Variants in CPPED1 observed in about 807,000 individuals in gnomAD.
CPPED1 encodes calcineurin like phosphoesterase domain containing 1.
In CPPED1, 28 loss-of-function variants were observed where a neutral mutation model predicts 28.0. The ratio of observed to expected loss-of-function variants is 1.00; its 90% confidence interval spans 0.74 to 1.37. The LOEUF is 1.37. CPPED1 is among the 40% of genes most tolerant of loss of function. The pLI is 0.00. For synonymous variants in CPPED1, 198 were observed against 180.2 expected, an observed-to-expected ratio of 1.10 and a Z score of -0.79; for missense variants, 504 against 416.5, an observed-to-expected ratio of 1.21 and a Z score of -1.83.
chr16:12,733,107 A>G (rs1226276681), intron 2 of CPPED1, among the ~76,000 whole-genome samples: 3 of 152,200 alleles, frequency 2.0e-5, no homozygotes, highest in African/African-American at 7.2e-5. Context: ...CTGAGGTTGA[A>G]TTAGCACTCT....
At chr16:12,688,824 A>G (rs186659774) in intron 3 of CPPED1, among the ~76,000 whole-genome samples, 178 of 152,338 alleles carry the variant, frequency 1.2e-3, no homozygotes, top group African/African-American at 4.0e-3. Flanking sequence ...AAAGACAAAT[A>G]TAACACTAAG....
intron 3 of CPPED1, 61 bp from the exon 4 acceptor site, chr16:12,665,176 T>G: frequency 6.8e-7 from 1 of 1,471,250 alleles, no homozygotes; most frequent in Non-Finnish European, 9.1e-7. Context: ...ACCTAGGGTC[T>G]CCAGCATTTT....
intron 3 of CPPED1, among the ~76,000 whole-genome samples, chr16:12,673,081 G>C (rs1010275745): frequency 6.6e-6 from 1 of 152,138 alleles, no homozygotes; most frequent in African/African-American, 2.4e-5. Flanking sequence ...ACAGGGCAGG[G>C]TGGCGTGACA....
intron 3 of CPPED1, among the ~76,000 whole-genome samples, chr16:12,678,447 C>T (rs961097210): frequency 6.6e-6 from 1 of 152,134 alleles, no homozygotes. Flanking sequence ...AATAAAACTG[C>T]TATAATTTTG....
At chr16:12,793,394 A>G (rs761676291) in intron 1 of CPPED1, among the ~76,000 whole-genome samples, 1 of 152,100 alleles carries the variant, frequency 6.6e-6, no homozygotes, top group Non-Finnish European at 1.5e-5. Context: ...CATGCTGACA[A>G]CAGACTTTGG....
At chr16:12,738,199 A>T (rs967133051) in intron 2 of CPPED1, among the ~76,000 whole-genome samples, 3 of 152,306 alleles carry the variant, frequency 2.0e-5, no homozygotes, top group African/African-American at 4.8e-5. Context: ...GTTCACAATG[A>T]TGCTTGTAAT....
intron 2 of CPPED1, chr16:12,752,899 CATT>C (rs2080339525): frequency 6.7e-6 from 1 of 148,380 alleles, no homozygotes; most frequent in South Asian, 2.1e-4. Flanking sequence ...ATATTAATAA[CATT>C]ATATAATATA....
chr16:12,718,627 T>C (rs996441429), intron 2 of CPPED1, among the ~76,000 whole-genome samples: 6 of 151,966 alleles, frequency 3.9e-5, no homozygotes, highest in Non-Finnish European at 1.5e-5. Context: ...TTCTCTTATA[T>C]GGCTGGCTGG....
At chr16:12,723,306 G>A (rs2080152092) in intron 2 of CPPED1, among the ~76,000 whole-genome samples, 1 of 152,218 alleles carries the variant, frequency 6.6e-6, no homozygotes, top group Non-Finnish European at 1.5e-5. Flanking sequence ...GGCAGGATAT[G>A]CCTGTTCTGG....
At chr16:12,667,646 G>T (rs995243298) in intron 3 of CPPED1, among the ~76,000 whole-genome samples, 2 of 152,138 alleles carry the variant, frequency 1.3e-5, no homozygotes, top group African/African-American at 4.8e-5. Context: ...GAGGAAATTA[G>T]TGAACTGAGA....
At chr16:12,696,911 G>A (rs2079993959) in intron 3 of CPPED1, among the ~76,000 whole-genome samples, 2 of 152,140 alleles carry the variant, frequency 1.3e-5, no homozygotes. Context: ...CACCTGCCAT[G>A]TTATAGGACC....
chr16:12,798,519 A>T (rs891274191), intron 1 of CPPED1, among the ~76,000 whole-genome samples: 2 of 152,238 alleles, frequency 1.3e-5, no homozygotes, highest in Non-Finnish European at 2.9e-5. Context: ...TACTGACACT[A>T]TTCTCTGCCA....
At chr16:12,730,596 A>G (rs2080192150) in intron 2 of CPPED1, among the ~76,000 whole-genome samples, 1 of 152,214 alleles carries the variant, frequency 6.6e-6, no homozygotes, top group Admixed American at 6.5e-5. Context: ...ATTAGATGGT[A>G]TACTACATGG....
intron 1 of CPPED1, among the ~76,000 whole-genome samples, chr16:12,789,277 C>T (rs538216421): frequency 6.6e-6 from 1 of 152,220 alleles, no homozygotes; most frequent in African/African-American, 2.4e-5. Context: ...AATGACAAAC[C>T]CTTATCTATG....
At chr16:12,782,969 T>A (rs1223888117) in intron 1 of CPPED1, among the ~76,000 whole-genome samples, 1 of 152,210 alleles carries the variant, frequency 6.6e-6, no homozygotes, top group African/African-American at 2.4e-5. Context: ...AAAAAGCTCC[T>A]TGGAATCAGT....
At chr16:12,710,553 A>G (rs566046465) in intron 2 of CPPED1, among the ~76,000 whole-genome samples, 1 of 152,304 alleles carries the variant, frequency 6.6e-6, no homozygotes, top group South Asian at 2.1e-4. Context: ...AAAAAAGTGC[A>G]AACCACAGAA....
At chr16:12,665,197 C>A in intron 3 of CPPED1, 82 bp from the exon 4 acceptor site, 1 of 1,183,660 alleles carries the variant, frequency 8.4e-7, no homozygotes, top group South Asian at 1.6e-5. Flanking sequence ...ATTCTGTGAA[C>A]AGTAATATAT....
intron 2 of CPPED1, among the ~76,000 whole-genome samples, chr16:12,766,070 C>T (rs1393084684): frequency 1.3e-5 from 2 of 151,914 alleles, no homozygotes; most frequent in African/African-American, 2.4e-5. Flanking sequence ...AAGACACTCG[C>T]TTTGTCTATG....
intron 2 of CPPED1, among the ~76,000 whole-genome samples, chr16:12,712,888 T>C (rs1054773405): frequency 1.5e-4 from 23 of 152,182 alleles, no homozygotes; most frequent in South Asian, 2.1e-4. Context: ...TTTATGAGCA[T>C]AAGTTACTTT....
Sources: allele counts gnomAD v4.1 joint callset (sites outside exome capture counted in the v4.1 genomes callset), GRCh38; gene constraint gnomAD v4.1.1; transcripts MANE v1.5; gene names NCBI Gene and HGNC (gene_info 2026-07-23, HGNC 2026-07-21).